The following GRM5 variants were observed in gnomAD, a reference collection of about 807,000 sequenced individuals.
GRM5 encodes the protein metabotropic glutamate receptor 5.
A neutral mutation model predicts 83.1 loss-of-function variants in GRM5; 19 were observed. The observed-to-expected ratio is 0.23, with a 90% CI of 0.16 to 0.34. The LOEUF is 0.34. GRM5 is among the 10% of genes least tolerant of loss of function. The pLI is 1.00. For missense variants in GRM5, 1,160 were observed against 1,588.3 expected (o/e 0.73, Z 4.58); for synonymous variants, 675 against 633.6 (o/e 1.07, Z -0.98).
At chr11:88,583,846 TCTC>T (rs1442292850) in intron 7 of GRM5, among the ~76,000 whole-genome samples, 2 of 152,198 alleles carry the variant, frequency 1.3e-5, no homozygotes, top group African/African-American at 4.8e-5. Flanking sequence ...TATTACTTTT[TCTC>T]CTTTCTCTCT....
At chr11:88,864,081 A>C (rs574091109) in intron 2 of GRM5, among the ~76,000 whole-genome samples, 7 of 148,102 alleles carry the variant, frequency 4.7e-5, no homozygotes, top group African/African-American at 1.5e-4. Context: ...TTTAAATGTG[A>C]CCCTGCAGAA....
At chr11:88,518,108 T>C (rs1292189556) in intron 9 of GRM5, among the ~76,000 whole-genome samples, 1 of 151,878 alleles carries the variant, frequency 6.6e-6, no homozygotes, top group Non-Finnish European at 1.5e-5. Flanking sequence ...CTGTATTACA[T>C]TTTTTACAGG....
chr11:88,867,764 A>T (rs542499353), intron 2 of GRM5, among the ~76,000 whole-genome samples: 4 of 151,780 alleles, frequency 2.6e-5, no homozygotes, highest in Non-Finnish European at 4.4e-5. Context: ...CCAAGGAGAC[A>T]GATCCTCAGA....
At chr11:88,923,836 C>A (rs1281313415) in intron 2 of GRM5, among the ~76,000 whole-genome samples, 2 of 127,508 alleles carry the variant, frequency 1.6e-5, no homozygotes, top group Admixed American at 7.5e-5. Context: ...ATTCGTATAC[C>A]TGAATATATA....
intron 3 of GRM5, among the ~76,000 whole-genome samples, chr11:88,785,282 G>T (rs1337433286): frequency 2.0e-5 from 3 of 151,964 alleles, no homozygotes; most frequent in Non-Finnish European, 4.4e-5. Flanking sequence ...ACATACTTTG[G>T]CAGAATTTCA....
intron 4 of GRM5, among the ~76,000 whole-genome samples, chr11:88,652,693 C>A (rs1939662865): frequency 1.3e-5 from 2 of 152,118 alleles, no homozygotes; most frequent in African/African-American, 2.4e-5. Flanking sequence ...TATAGCAAAT[C>A]CCTGGTACTA....
intron 2 of GRM5, among the ~76,000 whole-genome samples, chr11:88,877,823 G>T (rs1018603624): frequency 1.1e-3 from 82 of 77,094 alleles, no homozygotes; most frequent in African/African-American, 5.3e-3. Context: ...GAGAGACTCT[G>T]TGGAAGAAAA....
At chr11:89,017,153 C>A (rs1280340803) in intron 2 of GRM5, among the ~76,000 whole-genome samples, 2 of 152,018 alleles carry the variant, frequency 1.3e-5, no homozygotes, top group Non-Finnish European at 2.9e-5. Flanking sequence ...CGTTTGACTC[C>A]ACTAAAAATA....
At chr11:88,608,374 C>G (rs965052093) in intron 4 of GRM5, among the ~76,000 whole-genome samples, 5 of 152,112 alleles carry the variant, frequency 3.3e-5, no homozygotes, top group Admixed American at 6.5e-5. Context: ...TACCTCCCCC[C>G]ACCAACACTC....
intron 3 of GRM5, among the ~76,000 whole-genome samples, chr11:88,698,371 G>A (rs1266933558): frequency 6.6e-6 from 1 of 152,102 alleles, no homozygotes; most frequent in East Asian, 1.9e-4. Context: ...TGTTTCCTCT[G>A]CCTGAAATAC....
At chr11:88,696,030 C>A (rs1466775897) in intron 3 of GRM5, among the ~76,000 whole-genome samples, 2 of 152,154 alleles carry the variant, frequency 1.3e-5, no homozygotes, top group Non-Finnish European at 2.9e-5. Flanking sequence ...ATCCTGGATT[C>A]TTGCCCTAGT....
intron 2 of GRM5, among the ~76,000 whole-genome samples, chr11:89,007,728 A>G (rs10734119): frequency 0.59 from 89,318 of 151,990 alleles, 26,348 homozygotes; most frequent in South Asian, 0.72. Flanking sequence ...GCAGAATGCA[A>G]AATTAATTAC....
chr11:89,009,919 A>AAAAAAAAAAAAAAAAAC, intron 2 of GRM5, among the ~76,000 whole-genome samples: 2 of 126,438 alleles, frequency 1.6e-5, no homozygotes, highest in Admixed American at 7.5e-5. Flanking sequence ...AAAAAAAAAA[A>AAAAAAAAAAAAAAAAAC]AAAAAAAAAA....
chr11:88,725,195 G>T (rs969812168), intron 3 of GRM5, among the ~76,000 whole-genome samples: 5 of 152,176 alleles, frequency 3.3e-5, no homozygotes, highest in East Asian at 1.9e-4. Context: ...CAAGTTTGGT[G>T]GGGGGAGAGG....
At chr11:88,842,826 T>G (rs528090118) in intron 3 of GRM5, among the ~76,000 whole-genome samples, 8 of 152,166 alleles carry the variant, frequency 5.3e-5, no homozygotes, top group Non-Finnish European at 7.4e-5. Flanking sequence ...AGCCTATATA[T>G]CTCTTCTGAG....
chr11:88,531,354 T>C (rs1231141937), intron 8 of GRM5, among the ~76,000 whole-genome samples: 1 of 152,090 alleles, frequency 6.6e-6, no homozygotes, highest in Non-Finnish European at 1.5e-5. Flanking sequence ...AAATAGGAAT[T>C]ATAGACAGGG....
chr11:88,731,337 C>T (rs945919184), intron 3 of GRM5, among the ~76,000 whole-genome samples: 16 of 152,034 alleles, frequency 1.1e-4, no homozygotes, highest in African/African-American at 3.9e-4. Flanking sequence ...TAGTATTATT[C>T]TACTGCTTGA....
At chr11:88,560,692 C>G (rs562516678) in intron 8 of GRM5, among the ~76,000 whole-genome samples, 1 of 152,148 alleles carries the variant, frequency 6.6e-6, no homozygotes, top group Non-Finnish European at 1.5e-5. Context: ...ACCTGTCCTT[C>G]TGTGTGCTCT....
In GRM5 at chr11:88,789,489, A is replaced by T. The variant is rs529015316; in HGVS notation, c.911+60417T>A. 2.6e-5 allele frequency among the ~76,000 whole-genome samples: 4 copies of T among 152,300 alleles called. No individual in the cohort carries two copies. In the South Asian group the frequency reaches 8.3e-4, roughly 32 times the overall value. On this transcript the variant is annotated intron_variant, in intron 3 of 9. Coordinates refer to ENST00000305447, the MANE Select transcript of GRM5 (RefSeq NM_001143831.3). ...ATAATGATTTTCATTTTTGTTATAA[A>T]TTGAACATTTTTTGTTCAAGTACAC...
Sources: allele counts gnomAD v4.1 joint callset (sites outside exome capture counted in the v4.1 genomes callset), GRCh38; gene constraint gnomAD v4.1.1; transcripts MANE v1.5; gene names NCBI Gene and HGNC (gene_info 2026-07-23, HGNC 2026-07-21).